The following ABCA4 variants were observed in gnomAD, a reference collection of about 807,000 sequenced individuals.
ABCA4 encodes the protein retinal-specific phospholipid-transporting ATPase ABCA4.
In ABCA4, 196 loss-of-function variants were observed where a neutral mutation model predicts 263.7. The ratio of observed to expected loss-of-function variants is 0.74; its 90% CI spans 0.66 to 0.84. The LOEUF (loss-of-function observed/expected upper bound fraction) is 0.84, where lower values mean the gene tolerates loss of function less well. Among genes scored for constraint, ABCA4 ranks in the 40% least tolerant of loss-of-function variants. ABCA4 has a pLI of 0.00. For synonymous variants in ABCA4, 1,133 were observed against 1,094.2 expected (o/e 1.04, Z -0.70); for missense variants, 2,792 against 2,855.1 (o/e 0.98, Z 0.50).
chr1:94,032,352 A>C lies in ABCA4; in HGVS notation c.3863-309T>G, dbSNP rs117433184. 5.1e-4 allele frequency among the ~76,000 whole-genome samples: 78 copies of C among 152,310 alleles called. 1 individual carries two copies. In the East Asian group the frequency reaches 0.014, roughly 28 times the overall value. ...GTAACTTGGTTAATAAAAAAACAAA[A>C]CTGGCTGGGCACGGAGGCTCACGCC... On this transcript the variant is annotated intron_variant, in intron 26 of 49. Coordinates refer to ENST00000370225, the MANE Select transcript of ABCA4 (RefSeq NM_000350.3).
At chr1:94,088,898 C>T (rs182002252) in intron 6 of ABCA4, among the ~76,000 whole-genome samples, 15 of 152,338 alleles carry the variant, frequency 9.8e-5, no homozygotes, top group African/African-American at 1.7e-4. Flanking sequence ...AGGGAGGCTG[C>T]GCATAAGTAA....
chr1:94,045,661 A>G, intron 19 of ABCA4: 1 of 439,790 alleles, frequency 2.3e-6, no homozygotes, highest in Non-Finnish European at 4.6e-6. Context: ...GGCTATCTGA[A>G]CTTGTCCTGA....
chr1:94,008,542 T>C (rs948824131), intron 41 of ABCA4, among the ~76,000 whole-genome samples: 3 of 152,204 alleles, frequency 2.0e-5, no homozygotes, highest in Non-Finnish European at 4.4e-5. Flanking sequence ...TGAGGCCCTG[T>C]GTCAGTGCCC....
At chr1:94,120,158 T>G (rs1662910309) in intron 1 of ABCA4, among the ~76,000 whole-genome samples, 1 of 152,262 alleles carries the variant, frequency 6.6e-6, no homozygotes, top group South Asian at 2.1e-4. Context: ...CTTGGTGTTC[T>G]CTGATCTCCG....
At chr1:94,067,358 C>T (rs531177694) in intron 11 of ABCA4, among the ~76,000 whole-genome samples, 73 of 152,282 alleles carry the variant, frequency 4.8e-4, no homozygotes, top group African/African-American at 1.7e-3. Context: ...TTTTCAGTGG[C>T]ATTGCTGACT....
At chr1:94,044,209 A>G (rs1049535693) in intron 20 of ABCA4, among the ~76,000 whole-genome samples, 2 of 151,978 alleles carry the variant, frequency 1.3e-5, no homozygotes, top group East Asian at 3.9e-4. Context: ...CTTATTGGGG[A>G]AAAAAAGTAA....
chr1:94,079,431 A>T lies in ABCA4; in HGVS notation c.1130T>A (p.Leu377Gln). The T allele has an allele frequency of 6.2e-7, 1 of 1,614,234 alleles. No homozygotes were observed. Among genetic ancestry groups the T allele is most frequent in the Non-Finnish European group, 8.5e-7 (1 of 1,180,030 alleles). Residue 377 changes from leucine (L) to glutamine (Q), a missense_variant, in exon 9 of 50, where the codon CTG (leucine) becomes CAG (glutamine). By Grantham distance (113) the Leu-to-Gln change is moderately radical (BLOSUM62 -2). Transcript: ENST00000370225. ...TSFCNALIQS[L>Q]ESNPLTKIAW... is the part of the protein sequence containing the mutation. ...GATTTTGGTTAAAGGATTTGACTCC[A>T]GGCTCTGGATCAATGCATTACAAAA...
At chr1:94,103,649 G>C (rs1662346059) in intron 4 of ABCA4, among the ~76,000 whole-genome samples, 1 of 152,184 alleles carries the variant, frequency 6.6e-6, no homozygotes, top group South Asian at 2.1e-4. Flanking sequence ...GAGAAACTCT[G>C]GTCTAGGATT....
At chr1:94,031,301 G>C (rs1272369072) in intron 27 of ABCA4, among the ~76,000 whole-genome samples, 181 bp from the exon 28 acceptor site, 2 of 152,226 alleles carry the variant, frequency 1.3e-5, no homozygotes, top group African/African-American at 4.8e-5. Context: ...AAGATGTGCA[G>C]AAGAAAACAG....
At chr1:94,079,993 CAAA>C (rs4147885) in intron 8 of ABCA4, among the ~76,000 whole-genome samples, 1 of 148,438 alleles carries the variant, frequency 6.7e-6, no homozygotes, top group African/African-American at 2.5e-5. Context: ...CATAGAAGAC[CAAA>C]AAAAAAAAAA....
At position 94,029,474 on chromosome 1, in the gene ABCA4, C is replaced by T. The variant is rs190370456; in HGVS notation, c.4510G>A (p.Glu1504Lys). ...EKLTMLPECPEGAGGLPPPQR... is the reference protein window; with the variant it reads ...EKLTMLPECPKGAGGLPPPQR... ...GGGGGCGGGAGGCCCCCGGCACCCT[C>T]GGGGCACTCTGGCAGCATGGTGAGC... Residue 1504 changes from glutamate (E) to lysine (K), a missense_variant, in exon 30 of 50, where the codon GAG becomes AAG. Coordinates refer to ENST00000370225, the MANE Select transcript of ABCA4 (RefSeq NM_000350.3). 1.2e-5 allele frequency: 19 copies of T among 1,570,864 alleles called. No individual in the cohort carries two copies. The highest frequency in any genetic ancestry group is 1.9e-5 in the Admixed American group (1 of 53,490).
At chr1:94,024,870 T>C (rs1421353369) in intron 31 of ABCA4, 84 bp downstream of exon 31, 3 of 1,251,586 alleles carry the variant, frequency 2.4e-6, no homozygotes, top group Middle Eastern at 2.2e-4. Context: ...CATACATAAA[T>C]TGAGAGAGAA....
rs750519678 is a variant in ABCA4 at position 94,029,454 on chromosome 1, C to T, written c.4530G>A (p.Pro1510=). 46 of 1,551,762 alleles carry T rather than the reference C, an allele frequency of 3.0e-5. No individual in the cohort carries two copies. Among genetic ancestry groups the T allele is most frequent in the East Asian group, 1.9e-4 (8 of 41,572 alleles). Reference sequence around the variant, plus strand: ...TTTGGAGGTCAGGTACCTGGGGGGGCGGGAGGCCCCCGGCACCCTCGGGGC... The same window carrying T: ...TTTGGAGGTCAGGTACCTGGGGGGGTGGGAGGCCCCCGGCACCCTCGGGGC... ...PECPEGAGGL[P]PPQRTQRSTE... The change falls in exon 30 of 50, where the codon CCG becomes CCA. Residue 1510 remains proline (P), a synonymous_variant. Transcript: ENST00000370225.
At chr1:94,021,500 G>GAA in intron 34 of ABCA4, 91 bp from the exon 35 acceptor site, 1 of 1,571,500 alleles carries the variant, frequency 6.4e-7, no homozygotes, top group East Asian at 2.2e-5. Flanking sequence ...AAGCAGGAAG[G>GAA]GTTTGGTAGC....
chr1:94,102,035 C>T lies in ABCA4; in HGVS notation c.570+980G>A, dbSNP rs1187710372. 2.0e-5 allele frequency among the ~76,000 whole-genome samples: 3 copies of T among 152,298 alleles called. No homozygotes were observed. In the East Asian group the frequency reaches 5.8e-4, roughly 29 times the overall value. On this transcript the variant is annotated intron_variant, in intron 5 of 49. Coordinates refer to ENST00000370225, the MANE Select transcript of ABCA4 (RefSeq NM_000350.3). The stretch of plus-strand genomic sequence containing the variant: ...GATTAGGATTGAGAGGACCTGGATT[C>T]CATCTGGCTCTGACAATTTCTAGCC...
At chr1:94,020,173 T>C (rs1659858148) in intron 35 of ABCA4, among the ~76,000 whole-genome samples, 1 of 152,214 alleles carries the variant, frequency 6.6e-6, no homozygotes, top group Non-Finnish European at 1.5e-5. Context: ...AATCATCTTG[T>C]TAAATCACAT....
chr1:94,062,714 A>G lies in ABCA4; in HGVS notation c.1800T>C (p.Asp600=). ...CAAACCCGCCCCAGATGTACCGGAAATCTTCCACGGGATCAGCTCTGGGAC... is the reference window on the plus strand; with the variant it reads ...CAAACCCGCCCCAGATGTACCGGAAGTCTTCCACGGGATCAGCTCTGGGAC... ...DSGPRADPVE[D]FRYIWGGFAY... The change falls in exon 13 of 50, where the codon GAT becomes GAC. Residue 600 remains aspartate, a synonymous_variant. Transcript: ENST00000370225. 2 of 1,614,158 alleles carry G rather than the reference A, an allele frequency of 1.2e-6. No individual in the cohort carries two copies. The highest frequency in any genetic ancestry group is 1.7e-6 in the Non-Finnish European group (2 of 1,180,020).
Position 94,040,033 on chromosome 1 carries a change from C to T in ABCA4, c.3607+10G>A. On this transcript the variant is annotated intron_variant, in intron 24 of 49. Transcript: ENST00000370225. ...AGACGGAACCCAAGTATGGCCCGTC[C>T]AGTCCTTACCATCCAGGACTTGTTC... 6.3e-7 allele frequency: 1 copy of T among 1,593,386 alleles called. No individual in the cohort carries two copies. Among genetic ancestry groups the T allele is most frequent in the East Asian group, 2.2e-5 (1 of 44,500 alleles).
At chr1:94,013,172 C>T (rs1217523347) in intron 38 of ABCA4, among the ~76,000 whole-genome samples, 1 of 152,190 alleles carries the variant, frequency 6.6e-6, no homozygotes, top group Non-Finnish European at 1.5e-5. Flanking sequence ...CAAAGCAGCA[C>T]TTTCAGTCAC....
Sources: allele counts gnomAD v4.1 joint callset (sites outside exome capture counted in the v4.1 genomes callset), GRCh38; gene constraint gnomAD v4.1.1; transcripts MANE v1.5; gene names NCBI Gene and HGNC (gene_info 2026-07-23, HGNC 2026-07-21).